PARD6B: variants seen among roughly 807,000 people sequenced by gnomAD.
PARD6B encodes the protein partitioning defective 6 homolog beta.
Under a neutral mutation model 10.5 loss-of-function variants are expected in PARD6B, and 4 were observed. The observed-to-expected ratio is 0.38, with a 90% CI of 0.19 to 0.87. PARD6B has a LOEUF of 0.87. PARD6B is among the 40% of genes least tolerant of loss of function. The pLI is 0.41. For synonymous variants in PARD6B, 169 were observed against 170.4 expected (o/e 0.99, Z 0.07); for missense variants, 396 against 470.6 (o/e 0.84, Z 1.47).
rs1342679250 is a variant in PARD6B at position 50,738,044 on chromosome 20, C to T, written c.254C>T (p.Ala85Val). The T allele has an allele frequency of 6.2e-6, 10 of 1,610,378 alleles. No individual in the cohort carries two copies. Among genetic ancestry groups the T allele is most frequent in the Middle Eastern group, 1.6e-4 (1 of 6,072 alleles). ...DDNYHKAVSTANPLLRIFIQK... is the reference protein window; with the variant it reads ...DDNYHKAVSTVNPLLRIFIQK... Reference sequence around the variant, plus strand: ...AATTATCACAAAGCTGTTTCAACGGCCAATCCACTGCTTAGGATATTTATA... The same window carrying T: ...AATTATCACAAAGCTGTTTCAACGGTCAATCCACTGCTTAGGATATTTATA... Residue 85 changes from alanine (A) to valine (V), a missense_variant, in exon 2 of 3, where the codon GCC becomes GTC. Ala to Val is a moderately conservative substitution (Grantham distance 64). Around this residue, in one of 2 missense-constraint regions of PARD6B, gnomAD observed 208 missense variants for 300.9 expected, o/e 0.69. Transcript: ENST00000371610.
intron 2 of PARD6B, among the ~76,000 whole-genome samples, chr20:50,742,307 G>A (rs2087535291): frequency 6.6e-6 from 1 of 152,142 alleles, no homozygotes; most frequent in African/African-American, 2.4e-5. Flanking sequence ...GCCTCCCAAA[G>A]TGCTGGGTTT....
chr20:50,751,012 C>T lies in PARD6B; in HGVS notation c.*524C>T, dbSNP rs1044259004. ...AGTGACTGGGTCTCACTCTGTTGCC[C>T]ACACTGGAATGCAGTGGCATGATCA... On this transcript the variant is annotated 3_prime_UTR_variant, in exon 3 of 3. Coordinates refer to ENST00000371610, the MANE Select transcript of PARD6B (RefSeq NM_032521.3). The T allele has an allele frequency of 1.6e-6, 1 of 643,000 alleles. No individual in the cohort carries two copies. Among genetic ancestry groups the T allele is most frequent in the Non-Finnish European group, 1.9e-6 (1 of 535,888 alleles). The allele number at this position is 643,000 out of a possible 1,614,324, so 39.8% of individuals were successfully genotyped here. A position where few individuals can be genotyped will look rare whatever the true frequency, so the allele number is the denominator to read the frequency against.
intron 2 of PARD6B, among the ~76,000 whole-genome samples, chr20:50,749,355 A>T (rs1157392029): frequency 1.3e-5 from 2 of 151,418 alleles, no homozygotes; most frequent in African/African-American, 4.8e-5. Context: ...AAAAAAAAAA[A>T]ATATGTAAGA....
Position 50,752,626 on chromosome 20 carries a change from T to A in PARD6B, c.*2138T>A, listed in dbSNP as rs1377713629. On this transcript the variant is annotated 3_prime_UTR_variant, in exon 3 of 3. Transcript: ENST00000371610. ...TCCCTATGGCTTATGGAGAGTTATT[T>A]ATTAATTAACTTTATGGTAGGGCTA... 2 of 980,896 alleles carry A rather than the reference T, an allele frequency of 2.0e-6. No homozygotes were observed. The highest frequency in any genetic ancestry group is 2.4e-6 in the Non-Finnish European group (2 of 825,504). The allele number at this position is 980,896 out of a possible 1,614,324, so 60.8% of individuals were successfully genotyped here. A position where few individuals can be genotyped will look rare whatever the true frequency, so the allele number is the denominator to read the frequency against.
Position 50,750,894 on chromosome 20 carries a change from CTT to C in PARD6B, c.*407_*408del, listed in dbSNP as rs1452349625. 6 of 981,284 alleles carry C rather than the reference CTT, an allele frequency of 6.1e-6. No individual in the cohort carries two copies. The East Asian group carries it at 5.6e-4, about 92-fold the overall frequency. 60.8% of individuals were successfully genotyped at this position (981,284 alleles called of 1,614,324 possible). A position where few individuals can be genotyped will look rare whatever the true frequency, so the allele number is the denominator to read the frequency against. On this transcript the variant is annotated 3_prime_UTR_variant, in exon 3 of 3. Coordinates refer to ENST00000371610, the MANE Select transcript of PARD6B (RefSeq NM_032521.3). ...ATTCTAATGTGAAGTCTGATTCTCT[CTT>C]GTGGTACATTGGGGACCTCAGCTCT...
At chr20:50,743,536 A>G (rs1015090320) in intron 2 of PARD6B, among the ~76,000 whole-genome samples, 1 of 152,152 alleles carries the variant, frequency 6.6e-6, no homozygotes, top group African/African-American at 2.4e-5. Context: ...TCAGGGTTTA[A>G]AGTTGTCTAA....
At chr20:50,745,384 A>G (rs377374082) in intron 2 of PARD6B, among the ~76,000 whole-genome samples, 7 of 147,956 alleles carry the variant, frequency 4.7e-5, no homozygotes, top group African/African-American at 1.8e-4. Context: ...AGATCGTGTC[A>G]TTGCACTCTA....
rs2123710723 is a variant in PARD6B, at chr20:50,752,199, TC to T, written c.*1713del. 2.0e-6 allele frequency: 2 copies of T among 985,708 alleles called. No homozygotes were observed. The highest frequency in any genetic ancestry group is 9.4e-5 in the South Asian group (2 of 21,284). The allele number at this position is 985,708 out of a possible 1,614,324, so 61.1% of individuals were successfully genotyped here. On this transcript the variant is annotated 3_prime_UTR_variant, in exon 3 of 3. Coordinates refer to ENST00000371610, the MANE Select transcript of PARD6B (RefSeq NM_032521.3). ...CATTCCCAGTCTCATTTGAAATCAT[TC>T]CTTTTATTGTTAGTGTGTGTATTTT...
At chr20:50,743,521 ATGAATC>A (rs1191554414) in intron 2 of PARD6B, among the ~76,000 whole-genome samples, 1 of 152,156 alleles carries the variant, frequency 6.6e-6, no homozygotes, top group African/African-American at 2.4e-5. Flanking sequence ...TTACATTTTT[ATGAATC>A]AGGGTTTAAA....
Position 50,749,658 on chromosome 20 carries a change from G to A in PARD6B, c.290-1G>A. On this transcript the variant is annotated splice_acceptor_variant, in intron 2 of 2. Transcript: ENST00000371610. LOFTEE classifies it high-confidence loss of function. ...AATTATTTTGTTTTATTTTTAAACA[G>A]AAGAAGCAGACTACAGTGCCTTTGG... 1 of 1,563,690 alleles carries A rather than the reference G, an allele frequency of 6.4e-7. No homozygotes were observed.
At chr20:50,746,611 T>C (rs1199324077) in intron 2 of PARD6B, among the ~76,000 whole-genome samples, 1 of 152,216 alleles carries the variant, frequency 6.6e-6, no homozygotes, top group Non-Finnish European at 1.5e-5. Flanking sequence ...AAATATTTTC[T>C]TTCCCAGTGG....
chr20:50,736,890 G>C (rs189171701), intron 1 of PARD6B, among the ~76,000 whole-genome samples: 1 of 152,062 alleles, frequency 6.6e-6, no homozygotes, highest in Non-Finnish European at 1.5e-5. Flanking sequence ...TAGTAGAGAC[G>C]GGTTTTGCCA....
Position 50,753,376 on chromosome 20 carries a change from AAT to A in PARD6B, c.*2889_*2890del. 3 of 985,414 alleles carry A rather than the reference AAT, an allele frequency of 3.0e-6. No individual in the cohort carries two copies. Among genetic ancestry groups the A allele is most frequent in the Non-Finnish European group, 3.6e-6 (3 of 829,530 alleles). The allele number at this position is 985,414 out of a possible 1,614,324, so 61.0% of individuals were successfully genotyped here. A position where few individuals can be genotyped will look rare whatever the true frequency, so the allele number is the denominator to read the frequency against. ...TATCAGCTCATTGGTAGGCTGAATCAATTATTTCAAGTGCACCTTATTAACAA... is the reference window on the plus strand; with the variant it reads ...TATCAGCTCATTGGTAGGCTGAATCATATTTCAAGTGCACCTTATTAACAA... On this transcript the variant is annotated 3_prime_UTR_variant, in exon 3 of 3. Coordinates refer to ENST00000371610, the MANE Select transcript of PARD6B (RefSeq NM_032521.3).
chr20:50,750,242 CGAA>C lies in PARD6B; in HGVS notation c.879_881del (p.Glu293del). 5.6e-6 allele frequency: 9 copies of C among 1,614,112 alleles called. No homozygotes were observed. Among genetic ancestry groups the C allele is most frequent in the Non-Finnish European group, 7.6e-6 (9 of 1,180,010 alleles). ...GCTTTGAGCCAGAGGATGAAGACAG[CGAA>C]GAAGATGACATTATCATTGAAGACA... On this transcript the variant is annotated inframe_deletion, in exon 3 of 3. Coordinates refer to ENST00000371610, the MANE Select transcript of PARD6B (RefSeq NM_032521.3).
intron 2 of PARD6B, among the ~76,000 whole-genome samples, chr20:50,740,003 T>G (rs1271551504): frequency 1.7e-5 from 1 of 57,352 alleles, no homozygotes; most frequent in East Asian, 8.2e-4. Context: ...GTCTGACAGC[T>G]GGGACAGTGT....
chr20:50,733,490 G>T (rs2087483474), intron 1 of PARD6B, among the ~76,000 whole-genome samples: 1 of 152,160 alleles, frequency 6.6e-6, no homozygotes, highest in Non-Finnish European at 1.5e-5. Flanking sequence ...ACTAGTTTCA[G>T]AATTAGTAAG....
Position 50,750,521 on chromosome 20 carries a change from GCCATGAGGACTTGTACATTT to G in PARD6B, c.*34_*53del. 1 of 1,592,312 alleles carries G rather than the reference GCCATGAGGACTTGTACATTT, an allele frequency of 6.3e-7. No individual in the cohort carries two copies. The highest frequency in any genetic ancestry group is 8.5e-7 in the Non-Finnish European group (1 of 1,169,598). On this transcript the variant is annotated 3_prime_UTR_variant, in exon 3 of 3. Coordinates refer to ENST00000371610, the MANE Select transcript of PARD6B (RefSeq NM_032521.3). ...GTTTGAATGTTTTCAGAGTGAGGAT[GCCATGAGGACTTGTACATTT>G]GGCTAGTTTAAAAGCATATATACCT...
At chr20:50,737,268 T>G (rs778567169) in intron 1 of PARD6B, among the ~76,000 whole-genome samples, 10 of 152,230 alleles carry the variant, frequency 6.6e-5, no homozygotes, top group Non-Finnish European at 1.5e-4. Context: ...ATAAACACTT[T>G]GTGCGTTAAT....
In PARD6B at chr20:50,752,691, A is replaced by G. The variant is rs1189231763; in HGVS notation, c.*2203A>G. 5 of 978,706 alleles carry G rather than the reference A, an allele frequency of 5.1e-6. No individual in the cohort carries two copies. The highest frequency in any genetic ancestry group is 4.7e-5 in the South Asian group (1 of 21,136). The allele number at this position is 978,706 out of a possible 1,614,324, so 60.6% of individuals were successfully genotyped here. A position where few individuals can be genotyped will look rare whatever the true frequency, so the allele number is the denominator to read the frequency against. On this transcript the variant is annotated 3_prime_UTR_variant, in exon 3 of 3. Coordinates refer to ENST00000371610, the MANE Select transcript of PARD6B (RefSeq NM_032521.3). ...TTAACAATTGTGTGCTATTACAACAATGAAGATTCAAATGACTCCGCTTTG... is the reference window on the plus strand; with the variant it reads ...TTAACAATTGTGTGCTATTACAACAGTGAAGATTCAAATGACTCCGCTTTG...
Sources: gnomAD v4.1 joint callset for allele counts (sites outside exome capture counted in the v4.1 genomes callset) on GRCh38, gnomAD v4.1.1 for gene constraint, gnomAD v4.1.1 regional missense constraint, MANE v1.5 for transcripts, NCBI Gene and HGNC (gene_info 2026-07-23, HGNC 2026-07-21) for gene names.